The following CKM variants were observed in gnomAD, a reference collection of about 807,000 sequenced individuals.
The protein encoded by CKM is creatine kinase M-type.
CKM carries 28 observed loss-of-function variants against 35.4 expected under a neutral mutation model. That is an observed-to-expected ratio of 0.79 (90% CI 0.59 to 1.08). The LOEUF (loss-of-function observed/expected upper bound fraction) is 1.08, where lower values mean the gene tolerates loss of function less well. Ranked by LOEUF, CKM falls within the 50% of genes least tolerant of loss-of-function variation. CKM has a pLI of 0.00. For missense variants in CKM, 484 were observed against 509.8 expected (o/e 0.95, Z 0.49); for synonymous variants, 215 against 204.4 (o/e 1.05, Z -0.44).
In CKM at chr19:45,317,821, C is replaced by T. The variant is rs751750281; in HGVS notation, c.348+4G>A. 4 of 1,613,994 alleles carry T rather than the reference C, an allele frequency of 2.5e-6. No homozygotes were observed. The highest frequency in any genetic ancestry group is 2.2e-5 in the East Asian group (1 of 44,866). ...CGGCCCTCCCCTCCTGCGCAGACAC[C>T]GACCTTGAGGTTTTCATGGTTGAGG... is the stretch of plus-strand genomic sequence containing the variant. On this transcript the variant is annotated splice_donor_region_variant and intron_variant, in intron 3 of 7. Transcript: ENST00000221476.
chr19:45,315,817 C>G (rs1214032851), intron 3 of CKM, among the ~76,000 whole-genome samples: 1 of 150,798 alleles, frequency 6.6e-6, no homozygotes, highest in Non-Finnish European at 1.5e-5. Context: ...TTCTTTATAC[C>G]TCTCTCTCCC....
intron 2 of CKM, among the ~76,000 whole-genome samples, chr19:45,318,568 C>A (rs1331126868): frequency 6.6e-6 from 1 of 151,976 alleles, no homozygotes; most frequent in Non-Finnish European, 1.5e-5. Context: ...GTACATGGTG[C>A]TAAAAGCATC....
At chr19:45,309,236 A>G in intron 5 of CKM, among the ~76,000 whole-genome samples, 1 of 145,158 alleles carries the variant, frequency 6.9e-6, no homozygotes, top group East Asian at 2.0e-4. Context: ...TCAAAAAAAA[A>G]AAAAAAAAAG....
chr19:45,306,937 G>A lies in CKM; in HGVS notation c.968-9C>T, dbSNP rs749201618. 1.2e-6 allele frequency: 2 copies of A among 1,613,320 alleles called. No individual in the cohort carries two copies. Among genetic ancestry groups the A allele is most frequent in the Admixed American group, 3.3e-5 (2 of 60,026 alleles). On this transcript the variant is annotated splice_polypyrimidine_tract_variant and intron_variant, in intron 7 of 7. Transcript: ENST00000221476. This position sits in a 1 kb window ranked among gnomAD's most constrained non-coding sequence, Gnocchi z 4.5. ...AGCTGTGTCCACGCCACCTGTGGGA[G>A]CAAGGGACAGGGGCGTGAAGAGGCA...
At chr19:45,307,346 G>A in intron 7 of CKM, 115 bp downstream of exon 7, 2 of 913,424 alleles carry the variant, frequency 2.2e-6, no homozygotes, top group Non-Finnish European at 1.7e-6. Context: ...AGCTCACAGA[G>A]GGTCAGCCCT....
intron 3 of CKM, among the ~76,000 whole-genome samples, chr19:45,315,867 A>G (rs1308007937): frequency 2.4e-5 from 1 of 42,474 alleles, no homozygotes; most frequent in Non-Finnish European, 9.2e-5. Flanking sequence ...TCTTCGAGAC[A>G]GGGTCTCTCT....
chr19:45,306,802 T>C lies in CKM; in HGVS notation c.1094A>G (p.Lys365Arg). ...AATGGACTGGCCTTTCTCCAACTTC[T>C]TCTCCATTTCCACCATGAGCTTCAC... The part of the protein sequence containing the change: ...DGVKLMVEME[K>R]KLEKGQSIDD... The change falls in exon 8 of 8, where the codon AAG becomes AGG. Residue 365 changes from lysine to arginine, a missense_variant. Physicochemically the swap from Lys to Arg is conservative, Grantham distance 26. Transcript: ENST00000221476. The surrounding 1 kb of genome is among the most constrained non-coding windows in gnomAD (Gnocchi z 4.5). 2.5e-6 allele frequency: 4 copies of C among 1,614,192 alleles called. No homozygotes were observed. Among genetic ancestry groups the C allele is most frequent in the Non-Finnish European group, 3.4e-6 (4 of 1,180,014 alleles).
At position 45,311,766 on chromosome 19, in the gene CKM, G is replaced by T; in HGVS notation, c.636C>A (p.Pro212=). The part of the protein sequence containing the change: ...LLASGMARDW[P]DARGIWHNDN... The stretch of plus-strand genomic sequence containing the variant: ...GGCCTCACCAGATGCCACGGGCGTC[G>T]GGCCAGTCGCGGGCCATGCCTGAGG... Residue 212 remains proline, a synonymous_variant, in exon 5 of 8, where the codon CCC becomes CCA. Transcript: ENST00000221476. The T allele has an allele frequency of 6.3e-7, 1 of 1,592,516 alleles. No individual in the cohort carries two copies. The highest frequency in any genetic ancestry group is 1.7e-5 in the Admixed American group (1 of 57,204).
intron 3 of CKM, 146 bp from the exon 4 acceptor site, chr19:45,315,743 C>T (rs968051589): frequency 2.7e-5 from 28 of 1,042,100 alleles, no homozygotes; most frequent in Admixed American, 1.6e-4. Context: ...AGCCTCTCCC[C>T]GCCACCCATA....
chr19:45,319,504 C>G lies in CKM; in HGVS notation c.193+17G>C. On this transcript the variant is annotated intron_variant, in intron 2 of 7. Transcript: ENST00000221476. Reference sequence around the variant, plus strand: ...GCCCCCATGTAGCCCCTTCAGTGCTCCACTGGGGAGGCTCACCTGGGTTGT... The same window carrying G: ...GCCCCCATGTAGCCCCTTCAGTGCTGCACTGGGGAGGCTCACCTGGGTTGT... The G allele has an allele frequency of 6.2e-7, 1 of 1,607,528 alleles. No homozygotes were observed. Among genetic ancestry groups the G allele is most frequent in the African/African-American group, 1.3e-5 (1 of 74,902 alleles).
At chr19:45,316,853 A>T (rs1220944939) in intron 3 of CKM, among the ~76,000 whole-genome samples, 4 of 150,208 alleles carry the variant, frequency 2.7e-5, no homozygotes, top group Non-Finnish European at 5.9e-5. Flanking sequence ...TGCCTAGCTA[A>T]TTTTTGTATT....
intron 4 of CKM, among the ~76,000 whole-genome samples, chr19:45,313,177 A>T (rs1233111191): frequency 6.6e-6 from 1 of 152,186 alleles, no homozygotes; most frequent in South Asian, 2.1e-4. Context: ...CAGCAGGTCT[A>T]TTGGAGCCAT....
chr19:45,321,009 T>C (rs17875592), intron 1 of CKM, among the ~76,000 whole-genome samples: 1,851 of 151,896 alleles, frequency 0.012, 51 homozygotes, highest in African/African-American at 0.042. Flanking sequence ...CAAGCAACTA[T>C]CCTGCTTCAG....
At chr19:45,312,489 C>A (rs1237676066) in intron 4 of CKM, among the ~76,000 whole-genome samples, 2 of 151,358 alleles carry the variant, frequency 1.3e-5, no homozygotes, top group African/African-American at 4.9e-5. Context: ...ATGGCGCGAT[C>A]TTGGCTCACT....
At chr19:45,310,691 C>A (rs1216599939) in intron 5 of CKM, among the ~76,000 whole-genome samples, 1 of 150,516 alleles carries the variant, frequency 6.6e-6, no homozygotes, top group Non-Finnish European at 1.5e-5. Flanking sequence ...TAACCTCAAT[C>A]CTCTGGGCCC....
At chr19:45,310,400 G>A (rs1186193781) in intron 5 of CKM, among the ~76,000 whole-genome samples, 17 of 151,006 alleles carry the variant, frequency 1.1e-4, no homozygotes, top group East Asian at 2.0e-4. Context: ...GATTACAGGC[G>A]TGAGCCACCG....
chr19:45,309,766 G>A (rs1353683193), intron 5 of CKM, among the ~76,000 whole-genome samples: 1 of 151,578 alleles, frequency 6.6e-6, no homozygotes, highest in Admixed American at 6.6e-5. Flanking sequence ...GGAGGCGGAG[G>A]GTGAGAGGAT....
intron 1 of CKM, among the ~76,000 whole-genome samples, chr19:45,321,074 TGGTA>T (rs1971209617): frequency 2.0e-5 from 3 of 151,174 alleles, no homozygotes; most frequent in Non-Finnish European, 1.5e-5. Context: ...TTTTTTTTTT[TGGTA>T]TTTTTAGTAG....
Position 45,308,474 on chromosome 19 carries a change from T to A in CKM, c.712A>T (p.Ile238Phe). The change falls in exon 6 of 8, where the codon ATC becomes TTC. Residue 238 changes from isoleucine (I) to phenylalanine (F), a missense_variant. By Grantham distance (21) the Ile-to-Phe change is conservative (BLOSUM62 0). Transcript: ENST00000221476. ...ATGTTGCCCCCCTTCTCCATGGAGA[T>A]GACCCGGAGGTGATCCTCCTCGTTC... is the stretch of plus-strand genomic sequence containing the variant. Reference protein sequence around the residue: ...WVNEEDHLRVISMEKGGNMKE... With the variant: ...WVNEEDHLRVFSMEKGGNMKE... The A allele has an allele frequency of 1.2e-6, 2 of 1,614,072 alleles. No homozygotes were observed. Among genetic ancestry groups the A allele is most frequent in the Non-Finnish European group, 1.7e-6 (2 of 1,179,964 alleles).
Sources: allele counts gnomAD v4.1 joint callset (sites outside exome capture counted in the v4.1 genomes callset), GRCh38; gene constraint gnomAD v4.1.1; non-coding constraint Gnocchi (gnomAD v3.1); transcripts MANE v1.5; gene names NCBI Gene and HGNC (gene_info 2026-07-23, HGNC 2026-07-21).